PTPRM: variants seen among roughly 807,000 people sequenced by gnomAD.
PTPRM encodes receptor-type tyrosine-protein phosphatase mu.
Under a neutral mutation model 186.7 loss-of-function variants are expected in PTPRM, and 47 were observed. That is an observed-to-expected ratio of 0.25 (90% CI 0.20 to 0.32). PTPRM has a LOEUF of 0.32. Among genes scored for constraint, PTPRM ranks in the 10% least tolerant of loss-of-function variants. PTPRM has a pLI of 1.00. For missense variants in PTPRM, 1,494 were observed against 1,865.0 expected (o/e 0.80, Z 3.66); for synonymous variants, 668 against 674.9 (o/e 0.99, Z 0.16).
intron 11 of PTPRM, among the ~76,000 whole-genome samples, chr18:8,107,362 T>C (rs1356451766): frequency 6.6e-6 from 1 of 152,340 alleles, no homozygotes; most frequent in East Asian, 1.9e-4. Flanking sequence ...CTAGTTGTTC[T>C]TTTTATTATC....
chr18:8,139,656 G>T (rs1204122075), intron 13 of PTPRM, among the ~76,000 whole-genome samples: 1 of 152,060 alleles, frequency 6.6e-6, no homozygotes, highest in East Asian at 1.9e-4. Flanking sequence ...AGTCTCATTT[G>T]CACCTTTTCC....
intron 14 of PTPRM, among the ~76,000 whole-genome samples, chr18:8,241,446 C>T (rs2094433924): frequency 6.6e-6 from 1 of 152,112 alleles, no homozygotes; most frequent in African/African-American, 2.4e-5. Context: ...TTCCAAAGTG[C>T]TGTTATTGAT....
chr18:8,282,971 A>G (rs2094919784), intron 19 of PTPRM, among the ~76,000 whole-genome samples: 1 of 152,220 alleles, frequency 6.6e-6, no homozygotes, highest in Non-Finnish European at 1.5e-5. Context: ...CTCAGGAAAA[A>G]GAAGCCAGTA....
At chr18:7,699,974 A>C (rs1406545165) in intron 1 of PTPRM, among the ~76,000 whole-genome samples, 1 of 152,140 alleles carries the variant, frequency 6.6e-6, no homozygotes, top group South Asian at 2.1e-4. Context: ...CCCTCATTGC[A>C]CTACAGGGTC....
At chr18:8,194,890 C>G (rs2093755256) in intron 14 of PTPRM, among the ~76,000 whole-genome samples, 1 of 152,162 alleles carries the variant, frequency 6.6e-6, no homozygotes, top group Non-Finnish European at 1.5e-5. Context: ...GAGCTGCACT[C>G]GCCTCTTTTA....
intron 14 of PTPRM, among the ~76,000 whole-genome samples, chr18:8,187,181 C>T (rs1005058726): frequency 5.9e-5 from 9 of 152,074 alleles, no homozygotes; most frequent in Non-Finnish European, 1.2e-4. Context: ...TGCAAGTGAC[C>T]CACCCTCCTC....
intron 14 of PTPRM, among the ~76,000 whole-genome samples, chr18:8,145,303 G>A (rs765588189): frequency 1.9e-4 from 29 of 152,072 alleles, no homozygotes; most frequent in Admixed American, 1.8e-3. Context: ...AAAATGGAGA[G>A]TTCAGCTTTG....
chr18:7,598,922 C>T (rs1438899925), intron 1 of PTPRM, among the ~76,000 whole-genome samples: 2 of 151,868 alleles, frequency 1.3e-5, no homozygotes, highest in African/African-American at 4.8e-5. Flanking sequence ...CTATTTCTTG[C>T]AAGGATGCTT....
intron 1 of PTPRM, among the ~76,000 whole-genome samples, chr18:7,626,799 C>A (rs146505817): frequency 1.1e-3 from 162 of 152,266 alleles, no homozygotes; most frequent in African/African-American, 3.7e-3. Flanking sequence ...AAGTAATCCC[C>A]CCAATTTGGC....
chr18:7,812,648 T>C (rs2044589094), intron 2 of PTPRM, among the ~76,000 whole-genome samples: 1 of 152,090 alleles, frequency 6.6e-6, no homozygotes, highest in African/African-American at 2.4e-5. Context: ...AGGAGAGCTG[T>C]GTAATCAGTC....
At chr18:7,998,870 A>T (rs1053127390) in intron 7 of PTPRM, among the ~76,000 whole-genome samples, 6 of 152,144 alleles carry the variant, frequency 3.9e-5, no homozygotes, top group East Asian at 3.9e-4. Context: ...GGTAAGGCTG[A>T]TCTCAAACTT....
At chr18:7,898,653 G>A (rs2049497354) in intron 3 of PTPRM, among the ~76,000 whole-genome samples, 1 of 152,128 alleles carries the variant, frequency 6.6e-6, no homozygotes, top group South Asian at 2.1e-4. Context: ...AAAGGCTATA[G>A]GGATACAACA....
At chr18:8,255,195 A>G (rs1386207146) in intron 19 of PTPRM, among the ~76,000 whole-genome samples, 1 of 152,248 alleles carries the variant, frequency 6.6e-6, no homozygotes, top group African/African-American at 2.4e-5. Context: ...TATAAGCCTA[A>G]TGAATAGGGA....
chr18:7,987,737 A>T (rs1395946582), intron 7 of PTPRM, among the ~76,000 whole-genome samples: 1 of 152,330 alleles, frequency 6.6e-6, no homozygotes, highest in Middle Eastern at 3.4e-3. Flanking sequence ...TCTAATTTTA[A>T]AAACCTACTA....
chr18:7,906,423 A>G (rs2049986462), intron 3 of PTPRM, 82 bp from the exon 4 acceptor site: 1 of 1,053,082 alleles, frequency 9.5e-7, no homozygotes, highest in Non-Finnish European at 1.5e-6. Context: ...AATAAACGAA[A>G]TTATGTGTCT....
At chr18:8,232,192 T>C (rs887439738) in intron 14 of PTPRM, among the ~76,000 whole-genome samples, 1 of 152,234 alleles carries the variant, frequency 6.6e-6, no homozygotes, top group African/African-American at 2.4e-5. Flanking sequence ...GCAAAAGCAA[T>C]TGCATTTTTT....
intron 32 of PTPRM, chr18:8,403,176 C>T (rs1352917975): frequency 6.6e-6 from 1 of 152,216 alleles, no homozygotes; most frequent in African/African-American, 2.4e-5. Context: ...CAAAGAACAA[C>T]TGGATTCATG....
At chr18:7,918,789 C>G (rs4577174) in intron 4 of PTPRM, among the ~76,000 whole-genome samples, 14,859 of 152,150 alleles carry the variant, frequency 0.098, 812 homozygotes, top group East Asian at 0.13. Flanking sequence ...TGTGTAGAAG[C>G]TTTTTAGCTT....
chr18:7,988,041 C>G (rs1036670753), intron 7 of PTPRM, among the ~76,000 whole-genome samples: 1 of 149,652 alleles, frequency 6.7e-6, no homozygotes, highest in Non-Finnish European at 1.5e-5. Flanking sequence ...AAAAATTAAC[C>G]AGGCTTAGTG....
Sources: allele counts gnomAD v4.1 joint callset (sites outside exome capture counted in the v4.1 genomes callset), GRCh38; gene constraint gnomAD v4.1.1; transcripts MANE v1.5; gene names NCBI Gene and HGNC (gene_info 2026-07-23, HGNC 2026-07-21).